The following HOMER2 variants were observed in gnomAD, a reference collection of about 807,000 sequenced individuals.
HOMER2 encodes the protein homer scaffold protein 2.
A neutral mutation model predicts 47.0 loss-of-function variants in HOMER2; 27 were observed. The observed-to-expected ratio is 0.57, with a 90% confidence interval of 0.42 to 0.79. The LOEUF (loss-of-function observed/expected upper bound fraction) is 0.79, where lower values mean the gene tolerates loss of function less well. HOMER2 is among the 30% of genes least tolerant of loss of function. The probability of loss-of-function intolerance (pLI) is 0.00; values close to 1 mark genes in which losing one functional copy is unlikely to be tolerated. For missense variants in HOMER2, 443 were observed against 435.0 expected (o/e 1.02, Z -0.16); for synonymous variants, 161 against 163.8 (o/e 0.98, Z 0.13).
At chr15:82,972,050 T>A (rs1007707112) in intron 1 of HOMER2, among the ~76,000 whole-genome samples, 2 of 152,242 alleles carry the variant, frequency 1.3e-5, no homozygotes, top group Non-Finnish European at 2.9e-5. Flanking sequence ...CTCTTAGGTA[T>A]AATTTACCTA....
rs2052059524 is a variant in HOMER2 at position 82,868,535 on chromosome 15, ATATATATT to A, written c.295-4284_295-4277del. Among the ~76,000 whole-genome samples, 4 of 60,452 alleles carry A rather than the reference ATATATATT, an allele frequency of 6.6e-5. 1 individual carries two copies. Among genetic ancestry groups the A allele is most frequent in the South Asian group, 5.9e-4 (1 of 1,702 alleles). The allele number at this position is 60,452 out of a possible 152,430, so 39.7% of individuals were successfully genotyped here. A position where few individuals can be genotyped will look rare whatever the true frequency, so the allele number is the denominator to read the frequency against. Reference sequence around the variant, plus strand: ...TCACTTATTTATTTTATATATATATATATATATTTTTTTTTTTTTTTTTCCCCTTTTGA... The same window carrying A: ...TCACTTATTTATTTTATATATATATATTTTTTTTTTTTTTTCCCCTTTTGA... On this transcript the variant is annotated intron_variant, in intron 3 of 8. Transcript: ENST00000450735.
At chr15:82,847,724 A>T (rs1596297096), downstream of HOMER2, among the ~76,000 whole-genome samples, 1 of 152,150 alleles carries the variant, frequency 6.6e-6, no homozygotes, top group African/African-American at 2.4e-5. Flanking sequence ...TCATCTGAAG[A>T]CCCCAGCGGA....
rs74028600 is a variant in HOMER2, at chr15:82,860,472, T to C, written c.388-1337A>G. On this transcript the variant is annotated intron_variant, in intron 4 of 8. Transcript: ENST00000450735. ...TACAGGAAGGTCCATTATACAATTA[T>C]GCCTAGATTTGCATATGTTCACATT... Among the ~76,000 whole-genome samples, 427 of 152,328 alleles carry C rather than the reference T, an allele frequency of 2.8e-3. 2 individuals carry two copies. Among genetic ancestry groups the C allele is most frequent in the African/African-American group, 9.9e-3 (413 of 41,578 alleles).
At chr15:82,848,930 G>A (rs2151591657), downstream of HOMER2, 1 of 152,382 alleles carries the variant, frequency 6.6e-6, no homozygotes, top group South Asian at 2.1e-4. Context: ...TCATTCGACA[G>A]GGTCCCAGCT....
intron 1 of HOMER2, among the ~76,000 whole-genome samples, chr15:82,939,499 T>G (rs929189074): frequency 6.6e-6 from 1 of 152,116 alleles, no homozygotes; most frequent in Admixed American, 6.5e-5. Flanking sequence ...AAACCCCGTC[T>G]CTACTAAAAA....
At chr15:82,891,316 A>T (rs2052697784) in intron 2 of HOMER2, among the ~76,000 whole-genome samples, 1 of 152,138 alleles carries the variant, frequency 6.6e-6, no homozygotes, top group South Asian at 2.1e-4. Flanking sequence ...CAGCTGTAAA[A>T]TGAGGACTTC....
At chr15:82,960,811 T>C (rs2054624585) in intron 1 of HOMER2, among the ~76,000 whole-genome samples, 1 of 152,194 alleles carries the variant, frequency 6.6e-6, no homozygotes, top group Admixed American at 6.5e-5. Flanking sequence ...CTAGAATCTT[T>C]GCTTCAGCTG....
chr15:82,856,790 C>T (rs2051602356), intron 5 of HOMER2, among the ~76,000 whole-genome samples: 1 of 152,122 alleles, frequency 6.6e-6, no homozygotes, highest in African/African-American at 2.4e-5. Flanking sequence ...CAGATCACAG[C>T]CGGGCCAGCT....
intron 3 of HOMER2, among the ~76,000 whole-genome samples, chr15:82,865,978 C>T (rs1567021791): frequency 6.6e-6 from 1 of 152,204 alleles, no homozygotes; most frequent in Non-Finnish European, 1.5e-5. Flanking sequence ...TCAAAGTCCC[C>T]CACAGAGTCC....
intron 5 of HOMER2, 131 bp from the exon 6 acceptor site, chr15:82,854,931 T>C (rs1035595606): frequency 5.6e-6 from 6 of 1,071,414 alleles, no homozygotes; most frequent in Non-Finnish European, 6.6e-6. Flanking sequence ...CACAGTAAGC[T>C]GGCAGGTGGG....
At chr15:82,860,936 CAAAGATA>C (rs1315459434) in intron 4 of HOMER2, among the ~76,000 whole-genome samples, 1 of 51,128 alleles carries the variant, frequency 2.0e-5, no homozygotes, top group Non-Finnish European at 3.9e-5. Flanking sequence ...GACTCTGTCT[CAAAGATA>C]GAAGATAGAA....
At chr15:82,935,360 C>T (rs1165410809) in intron 1 of HOMER2, among the ~76,000 whole-genome samples, 5 of 152,162 alleles carry the variant, frequency 3.3e-5, no homozygotes, top group Non-Finnish European at 4.4e-5. Flanking sequence ...GCCACCACAC[C>T]TCACTGGCCA....
chr15:82,891,561 T>C (rs375252693), intron 2 of HOMER2, among the ~76,000 whole-genome samples: 127 of 152,266 alleles, frequency 8.3e-4, no homozygotes, highest in African/African-American at 3.0e-3. Flanking sequence ...ACCTTCTGTT[T>C]GTGGAGTGTG....
intron 1 of HOMER2, among the ~76,000 whole-genome samples, chr15:82,963,941 C>T (rs1006839811): frequency 3.9e-5 from 6 of 152,158 alleles, no homozygotes; most frequent in Non-Finnish European, 8.8e-5. Context: ...AGCCCCATGC[C>T]CTGGCTGCTT....
At chr15:82,935,803 T>A (rs2054128483) in intron 1 of HOMER2, among the ~76,000 whole-genome samples, 1 of 152,196 alleles carries the variant, frequency 6.6e-6, no homozygotes, top group Non-Finnish European at 1.5e-5. Context: ...GTCTCCTCTG[T>A]GACCTTCTCA....
intron 1 of HOMER2, among the ~76,000 whole-genome samples, chr15:82,918,205 C>T (rs534007972): frequency 1.7e-4 from 26 of 152,118 alleles, no homozygotes; most frequent in Admixed American, 2.0e-4. Flanking sequence ...GATATATAGA[C>T]GCCATCCCTC....
At chr15:82,852,048 C>T (rs2051411686) in intron 7 of HOMER2, 94 bp downstream of exon 7, 5 of 777,754 alleles carry the variant, frequency 6.4e-6, no homozygotes, top group South Asian at 1.7e-5. Context: ...AGGCAGCTGC[C>T]AGGGCCAGTC....
intron 1 of HOMER2, among the ~76,000 whole-genome samples, chr15:82,929,803 T>C (rs1039278803): frequency 6.6e-6 from 1 of 151,604 alleles, no homozygotes; most frequent in Admixed American, 6.6e-5. Flanking sequence ...GGATCTTGGC[T>C]CACCTCAACC....
At chr15:82,907,529 G>C (rs2053324010) in intron 1 of HOMER2, among the ~76,000 whole-genome samples, 1 of 150,476 alleles carries the variant, frequency 6.6e-6, no homozygotes, top group Non-Finnish European at 1.5e-5. Context: ...GAAAGAGAGA[G>C]ACAGAAAGGG....
Sources: gnomAD v4.1 joint callset for allele counts (sites outside exome capture counted in the v4.1 genomes callset) on GRCh38, gnomAD v4.1.1 for gene constraint, MANE v1.5 for transcripts, NCBI Gene and HGNC (gene_info 2026-07-23, HGNC 2026-07-21) for gene names.